The following PHACTR3 variants were observed in gnomAD, a reference collection of about 807,000 sequenced individuals.
PHACTR3 encodes the protein phosphatase and actin regulator 3, also known as protein phosphatase 1, regulatory subunit 123.
In PHACTR3, 16 loss-of-function variants were observed where a neutral mutation model predicts 66.8. The ratio of observed to expected loss-of-function variants is 0.24; its 90% CI spans 0.16 to 0.36. The LOEUF is 0.36. Among genes scored for constraint, PHACTR3 ranks in the 10% least tolerant of loss-of-function variants. The probability of loss-of-function intolerance (pLI) is 1.00; values close to 1 mark genes in which losing one functional copy is unlikely to be tolerated. For missense variants in PHACTR3, 647 were observed against 719.9 expected (o/e 0.90, Z 1.16); for synonymous variants, 323 against 292.1 (o/e 1.11, Z -1.08).
intron 1 of PHACTR3, among the ~76,000 whole-genome samples, chr20:59,708,594 C>A (rs575724185): frequency 1.3e-5 from 2 of 152,168 alleles, no homozygotes; most frequent in Non-Finnish European, 2.9e-5. Context: ...AGTCTGCTTT[C>A]GGTTGCCCTG....
intron 7 of PHACTR3, among the ~76,000 whole-genome samples, chr20:59,799,710 A>G (rs975114934): frequency 1.3e-5 from 2 of 152,074 alleles, no homozygotes; most frequent in Non-Finnish European, 2.9e-5. Flanking sequence ...TATATATAAG[A>G]CTTGTTGGCA....
chr20:59,840,569 A>AATCAGGAT, intron 10 of PHACTR3, 139 bp downstream of exon 10: 3 of 1,334,610 alleles, frequency 2.2e-6, no homozygotes, highest in Non-Finnish European at 3.0e-6. Flanking sequence ...GCATCAGTTA[A>AATCAGGAT]ATCAGGATAT....
At chr20:59,688,004 A>G (rs1189897611) in intron 1 of PHACTR3, among the ~76,000 whole-genome samples, 1 of 152,098 alleles carries the variant, frequency 6.6e-6, no homozygotes, top group African/African-American at 2.4e-5. Context: ...CTCTTTTCTA[A>G]CAAGCAGAGA....
rs146810775 is a variant in PHACTR3, at chr20:59,773,364, G to C, written c.837G>C (p.Pro279=). The C allele has an allele frequency of 1.9e-6, 3 of 1,614,076 alleles. No homozygotes were observed. The highest frequency in any genetic ancestry group is 1.1e-5 in the South Asian group (1 of 91,074). The part of the protein sequence containing the change: ...RGQLSTPTGS[P]HLTTVHRPLP... ...AGCTCTCCACACCCACGGGGTCTCC[G>C]CATCTCACCACGGTCCACCGGCCTC... The change falls in exon 6 of 13, where the codon CCG becomes CCC. Residue 279 remains proline, a synonymous_variant. Transcript: ENST00000371015.
chr20:59,693,578 A>G (rs1187574566), intron 1 of PHACTR3, among the ~76,000 whole-genome samples: 1 of 152,160 alleles, frequency 6.6e-6, no homozygotes, highest in Non-Finnish European at 1.5e-5. Context: ...TAGCTTCACT[A>G]CTTCTGAGAC....
intron 8 of PHACTR3, among the ~76,000 whole-genome samples, chr20:59,825,304 C>T (rs2042155745): frequency 6.6e-6 from 1 of 152,226 alleles, no homozygotes; most frequent in African/African-American, 2.4e-5. Context: ...GCTGTCAAAA[C>T]CAGCCTTTGG....
intron 1 of PHACTR3, among the ~76,000 whole-genome samples, chr20:59,682,766 T>A (rs2036711535): frequency 6.6e-6 from 1 of 152,128 alleles, no homozygotes; most frequent in African/African-American, 2.4e-5. Context: ...ACGCCCCGAA[T>A]AAGAGCCGGC....
intron 1 of PHACTR3, among the ~76,000 whole-genome samples, chr20:59,685,380 C>A (rs1288453698): frequency 6.6e-6 from 1 of 152,202 alleles, no homozygotes; most frequent in Non-Finnish European, 1.5e-5. Context: ...GAGACCCTAC[C>A]AGCCTGGGTT....
chr20:59,600,744 G>A (rs540283073), upstream of PHACTR3, among the ~76,000 whole-genome samples: 52 of 152,280 alleles, frequency 3.4e-4, no homozygotes, highest in South Asian at 9.5e-3. Flanking sequence ...TTGGGTTATC[G>A]GGGCTGCCCT....
chr20:59,732,268 C>T (rs2038792643), intron 1 of PHACTR3, among the ~76,000 whole-genome samples: 1 of 152,192 alleles, frequency 6.6e-6, no homozygotes, highest in East Asian at 1.9e-4. Context: ...AGCAGAGAGG[C>T]TGCGGCAGAC....
intron 3 of PHACTR3, among the ~76,000 whole-genome samples, chr20:59,751,472 GCA>G (rs572967451): frequency 5.5e-4 from 84 of 152,236 alleles, no homozygotes; most frequent in Admixed American, 9.8e-4. Context: ...GCGCATGTAT[GCA>G]CACACACATG....
intron 1 of PHACTR3, among the ~76,000 whole-genome samples, chr20:59,617,788 T>C (rs2034085743): frequency 6.6e-6 from 1 of 152,052 alleles, no homozygotes; most frequent in East Asian, 1.9e-4. Flanking sequence ...CCTTCGTCCC[T>C]CCTTCCATCC....
chr20:59,828,804 C>T (rs557439520), intron 8 of PHACTR3, among the ~76,000 whole-genome samples: 18 of 152,048 alleles, frequency 1.2e-4, no homozygotes, highest in Middle Eastern at 3.4e-3. Flanking sequence ...GGTGGGAACC[C>T]GGGCTTGAGC....
At chr20:59,606,599 AATC>A (rs2033679387) in intron 1 of PHACTR3, among the ~76,000 whole-genome samples, 1 of 152,206 alleles carries the variant, frequency 6.6e-6, no homozygotes, top group Non-Finnish European at 1.5e-5. Flanking sequence ...CAACTGTTCC[AATC>A]ATGGAAGTTG....
chr20:59,590,115 G>T (rs2033144839), intron 1 of PHACTR3, among the ~76,000 whole-genome samples: 1 of 152,192 alleles, frequency 6.6e-6, no homozygotes, highest in African/African-American at 2.4e-5. Context: ...GTGCATGTGT[G>T]TGCGTGCTTG....
intron 1 of PHACTR3, among the ~76,000 whole-genome samples, chr20:59,671,275 G>GGA (rs2036189120): frequency 6.6e-6 from 1 of 152,186 alleles, no homozygotes; most frequent in Non-Finnish European, 1.5e-5. Flanking sequence ...AGAAGGCTGG[G>GGA]GGTGCGGCTC....
intron 1 of PHACTR3, among the ~76,000 whole-genome samples, chr20:59,592,200 C>A (rs1047752878): frequency 1.3e-5 from 2 of 152,156 alleles, no homozygotes; most frequent in Non-Finnish European, 2.9e-5. Context: ...GTTTCCCACG[C>A]CTGGCATGCT....
At chr20:59,633,060 T>C (rs1480765670) in intron 1 of PHACTR3, among the ~76,000 whole-genome samples, 1 of 152,102 alleles carries the variant, frequency 6.6e-6, no homozygotes, top group African/African-American at 2.4e-5. Context: ...GATGGGGAGA[T>C]GAGAGGAGAC....
At chr20:59,579,060 C>T (rs2032794900) in intron 1 of PHACTR3, among the ~76,000 whole-genome samples, 1 of 152,226 alleles carries the variant, frequency 6.6e-6, no homozygotes, top group African/African-American at 2.4e-5. Flanking sequence ...GTGCCCTCCC[C>T]TAAAGCACCC....
Sources: gnomAD v4.1 joint callset for allele counts (sites outside exome capture counted in the v4.1 genomes callset) on GRCh38, gnomAD v4.1.1 for gene constraint, MANE v1.5 for transcripts, NCBI Gene and HGNC (gene_info 2026-07-23, HGNC 2026-07-21) for gene names.